DCAF12: variants seen among roughly 807,000 people sequenced by gnomAD.
The protein encoded by DCAF12 is DDB1- and CUL4-associated factor 12.
DCAF12 carries 28 observed loss-of-function variants against 52.8 expected under a neutral mutation model. That is an observed-to-expected ratio of 0.53 (90% CI 0.39 to 0.73). DCAF12 has a LOEUF of 0.73. Among genes scored for constraint, DCAF12 ranks in the 30% least tolerant of loss-of-function variants. The pLI, the probability that DCAF12 is intolerant of heterozygous loss-of-function variation, is 0.00. For missense variants in DCAF12, 425 were observed against 552.2 expected (o/e 0.77, Z 2.31); for synonymous variants, 196 against 215.5 (o/e 0.91, Z 0.79).
In DCAF12 at chr9:34,095,372, CTTTTTTTTTTTT is replaced by C. The variant is rs36066422; in HGVS notation, c.861+1332_861+1343del. ...ATAGGCGTGAACCACCGCGCCAGGCCTTTTTTTTTTTTTTTTTTTTTTTTTTGAGATAGGGTC... is the reference window on the plus strand; with the variant it reads ...ATAGGCGTGAACCACCGCGCCAGGCCTTTTTTTTTTTTTTGAGATAGGGTC... On this transcript the variant is annotated intron_variant, in intron 6 of 8. Transcript: ENST00000361264. Among the ~76,000 whole-genome samples, 21 of 78,176 alleles carry C rather than the reference CTTTTTTTTTTTT, an allele frequency of 2.7e-4. 2 individuals are homozygous for C. The highest frequency in any genetic ancestry group is 8.1e-4 in the African/African-American group (15 of 18,532). 51.3% of individuals were successfully genotyped at this position (78,176 alleles called of 152,430 possible). A position where few individuals can be genotyped will look rare whatever the true frequency, so the allele number is the denominator to read the frequency against.
rs1587728828 is a variant in DCAF12 at position 34,088,151 on chromosome 9, C to T, written c.*199G>A. The T allele has an allele frequency of 6.7e-6, 3 of 448,516 alleles. No individual in the cohort carries two copies. Among genetic ancestry groups the T allele is most frequent in the African/African-American group, 4.1e-5 (2 of 49,144 alleles). The allele number at this position is 448,516 out of a possible 1,614,324, so 27.8% of individuals were successfully genotyped here. On this transcript the variant is annotated 3_prime_UTR_variant, in exon 9 of 9. Coordinates refer to ENST00000361264, the MANE Select transcript of DCAF12 (RefSeq NM_015397.4). ...TAAAAGATAGTAAAATTTTGATTAC[C>T]AAAGGGGAAAACAAAAAGCAAAACA... is the stretch of plus-strand genomic sequence containing the variant.
intron 2 of DCAF12, among the ~76,000 whole-genome samples, chr9:34,115,675 C>A (rs963145141): frequency 6.6e-6 from 1 of 151,380 alleles, no homozygotes; most frequent in Non-Finnish European, 1.5e-5. Flanking sequence ...ATATATATAG[C>A]TTGTAATACC....
At chr9:34,112,885 C>T (rs1419229016) in intron 2 of DCAF12, among the ~76,000 whole-genome samples, 9 of 151,946 alleles carry the variant, frequency 5.9e-5, no homozygotes, top group African/African-American at 2.2e-4. Flanking sequence ...GCAATAAGAG[C>T]GAAACTCTGT....
At chr9:34,120,334 T>C (rs140370649) in intron 2 of DCAF12, among the ~76,000 whole-genome samples, 1 of 150,652 alleles carries the variant, frequency 6.6e-6, no homozygotes, top group Non-Finnish European at 1.5e-5. Flanking sequence ...GAGCCATGAC[T>C]GCACCACTGT....
chr9:34,106,802 C>T (rs1828911107), intron 3 of DCAF12, among the ~76,000 whole-genome samples: 1 of 152,250 alleles, frequency 6.6e-6, no homozygotes, highest in South Asian at 2.1e-4. Context: ...ATCTACATGG[C>T]TTGTACCCTC....
chr9:34,107,738 TA>T (rs1484228165), intron 2 of DCAF12, among the ~76,000 whole-genome samples, 173 bp from the exon 3 acceptor site: 2 of 152,120 alleles, frequency 1.3e-5, no homozygotes, highest in African/African-American at 4.8e-5. Flanking sequence ...AAACATGAAA[TA>T]AGTCAATATA....
chr9:34,088,115 G>T lies in DCAF12; in HGVS notation c.*235C>A. ...ATTAGCAACAATGTTTGGTTGAAAA[G>T]CCAGAAATAATAAAAGATAGTAAAA... is the stretch of plus-strand genomic sequence containing the variant. On this transcript the variant is annotated 3_prime_UTR_variant, in exon 9 of 9. Transcript: ENST00000361264. The T allele has an allele frequency of 2.8e-6, 1 of 358,752 alleles. No homozygotes were observed. The allele number at this position is 358,752 out of a possible 1,614,324, so 22.2% of individuals were successfully genotyped here.
At chr9:34,116,916 T>C (rs1447407289) in intron 2 of DCAF12, among the ~76,000 whole-genome samples, 1 of 152,034 alleles carries the variant, frequency 6.6e-6, no homozygotes, top group Non-Finnish European at 1.5e-5. Context: ...GAGGCGGAGG[T>C]TGCAGTAAGC....
chr9:34,114,183 C>A (rs568420352), intron 2 of DCAF12, among the ~76,000 whole-genome samples: 2 of 152,070 alleles, frequency 1.3e-5, no homozygotes, highest in Non-Finnish European at 2.9e-5. Flanking sequence ...CTTTGGACAA[C>A]ATGGATGAAC....
chr9:34,093,497 G>T (rs778096184), intron 6 of DCAF12, 49 bp from the exon 7 acceptor site: 1 of 1,598,760 alleles, frequency 6.3e-7, no homozygotes, highest in South Asian at 1.1e-5. Flanking sequence ...AGAGGGTAAG[G>T]CAGGGATATT....
intron 7 of DCAF12, among the ~76,000 whole-genome samples, chr9:34,090,304 T>A (rs1828624121): frequency 6.6e-6 from 1 of 151,944 alleles, no homozygotes; most frequent in African/African-American, 2.4e-5. Flanking sequence ...CCTCAAGTGA[T>A]CCACCTTGGC....
At chr9:34,106,102 A>G (rs1193720679) in intron 4 of DCAF12, among the ~76,000 whole-genome samples, 2 of 148,846 alleles carry the variant, frequency 1.3e-5, no homozygotes, top group African/African-American at 5.0e-5. Context: ...CTAAATAAGA[A>G]ATTATTATTC....
intron 6 of DCAF12, 120 bp from the exon 7 acceptor site, chr9:34,093,568 T>C (rs1053675677): frequency 3.1e-5 from 34 of 1,092,684 alleles, no homozygotes; most frequent in Non-Finnish European, 3.8e-5. Context: ...AATCAAGCCC[T>C]GATTACAGAA....
intron 4 of DCAF12, among the ~76,000 whole-genome samples, chr9:34,098,933 A>AT (rs1000858300): frequency 1.5e-4 from 22 of 143,396 alleles, no homozygotes; most frequent in Non-Finnish European, 2.6e-4. Context: ...ATGCCTGGCT[A>AT]TTTTTTTTGT....
chr9:34,107,717 CTAA>C, intron 2 of DCAF12, 152 bp from the exon 3 acceptor site: 1 of 655,530 alleles, frequency 1.5e-6, no homozygotes, highest in Non-Finnish European at 2.6e-6. Context: ...GTCAGGACTA[CTAA>C]TGACATGAAA....
At position 34,088,441 on chromosome 9, in the gene DCAF12, T is replaced by C; in HGVS notation, c.1271A>G (p.His424Arg). ...TTTCGTTCCAGACGAGTCGTAGCAG[T>C]GGGTGTAAACAGCATTGGGGAAGAA... ...IDFFPNAVYTHCYDSSGTKLF... is the reference protein window; with the variant it reads ...IDFFPNAVYTRCYDSSGTKLF... The change falls in exon 9 of 9, where the codon CAC becomes CGC. Residue 424 changes from histidine to arginine, a missense_variant. Physicochemically the swap from His to Arg is conservative, Grantham distance 29 (BLOSUM62 0). Transcript: ENST00000361264. 6.2e-7 allele frequency: 1 copy of C among 1,614,094 alleles called. No homozygotes were observed. The highest frequency in any genetic ancestry group is 2.2e-5 in the East Asian group (1 of 44,872).
intron 6 of DCAF12, among the ~76,000 whole-genome samples, chr9:34,093,997 C>T (rs936446107): frequency 2.6e-5 from 4 of 152,168 alleles, no homozygotes; most frequent in Admixed American, 2.6e-4. Flanking sequence ...TCAGTGGGTG[C>T]ATACAACACA....
At chr9:34,101,965 G>T (rs1006636231) in intron 4 of DCAF12, among the ~76,000 whole-genome samples, 2 of 150,266 alleles carry the variant, frequency 1.3e-5, no homozygotes, top group African/African-American at 4.9e-5. Context: ...GCAGTGAGCT[G>T]AAATTGTGCC....
Position 34,126,631 on chromosome 9 carries a change from G to A in DCAF12, c.-200C>T, listed in dbSNP as rs767507199. 2.1e-5 allele frequency: 13 copies of A among 621,480 alleles called. No homozygotes were observed. Among genetic ancestry groups the A allele is most frequent in the South Asian group, 4.3e-5 (2 of 46,416 alleles). 38.5% of individuals were successfully genotyped at this position (621,480 alleles called of 1,614,324 possible). A position where few individuals can be genotyped will look rare whatever the true frequency, so the allele number is the denominator to read the frequency against. On this transcript the variant is annotated 5_prime_UTR_variant, in exon 1 of 9. Coordinates refer to ENST00000361264, the MANE Select transcript of DCAF12 (RefSeq NM_015397.4). Reference sequence around the variant, plus strand: ...GAGAGGAAGGACTTGAGCCGGGAAAGGGAAGGGGAAGCGAGAATGAGCGGC... The same window carrying A: ...GAGAGGAAGGACTTGAGCCGGGAAAAGGAAGGGGAAGCGAGAATGAGCGGC...
Sources: gnomAD v4.1 joint callset for allele counts (sites outside exome capture counted in the v4.1 genomes callset) on GRCh38, gnomAD v4.1.1 for gene constraint, MANE v1.5 for transcripts, NCBI Gene and HGNC (gene_info 2026-07-23, HGNC 2026-07-21) for gene names.